USH2A: variants seen among roughly 807,000 people sequenced by gnomAD.
USH2A encodes Usher syndrome 2A (autosomal recessive, mild).
A neutral mutation model predicts 538.9 loss-of-function variants in USH2A; 443 were observed. The observed-to-expected ratio is 0.82, with a 90% CI of 0.76 to 0.89. The LOEUF is 0.89. USH2A is among the 40% of genes least tolerant of loss of function. The probability of loss-of-function intolerance (pLI) is 0.00; values close to 1 mark genes in which losing one functional copy is unlikely to be tolerated. For missense variants in USH2A, 6,633 were observed against 6,324.8 expected (o/e 1.05, Z -1.65); for synonymous variants, 2,413 against 2,273.5 (o/e 1.06, Z -1.75).
At chr1:215,824,881 C>A (rs760608784) in intron 47 of USH2A, among the ~76,000 whole-genome samples, 22 of 152,126 alleles carry the variant, frequency 1.4e-4, no homozygotes, top group Non-Finnish European at 2.4e-4. Flanking sequence ...ATATGAAAGT[C>A]CAATTTTCTT....
intron 21 of USH2A, among the ~76,000 whole-genome samples, chr1:216,112,075 T>A (rs1021321605): frequency 6.6e-6 from 1 of 152,140 alleles, no homozygotes; most frequent in African/African-American, 2.4e-5. Flanking sequence ...CATAAACTAT[T>A]TATGGCTAAC....
chr1:216,207,685 A>G (rs1024531974), intron 15 of USH2A, among the ~76,000 whole-genome samples: 1 of 149,748 alleles, frequency 6.7e-6, no homozygotes, highest in African/African-American at 2.5e-5. Flanking sequence ...AAACCACCAT[A>G]GTTTACATTA....
chr1:215,630,359 T>A, intron 70 of USH2A: 1 of 436,270 alleles, frequency 2.3e-6, no homozygotes, highest in Non-Finnish European at 4.6e-6. Context: ...TATTTAATAC[T>A]GCTCTGATGT....
intron 44 of USH2A, among the ~76,000 whole-genome samples, chr1:215,847,799 T>C (rs2102824978): frequency 6.6e-6 from 1 of 152,298 alleles, no homozygotes; most frequent in Non-Finnish European, 1.5e-5. Flanking sequence ...TTGAGAATAG[T>C]ATGTTTCTTT....
chr1:216,325,717 T>C (rs2037719703), intron 5 of USH2A, 118 bp from the exon 6 acceptor site: 1 of 1,005,994 alleles, frequency 9.9e-7, no homozygotes, highest in Non-Finnish European at 1.4e-6. Flanking sequence ...CATTTAGTTT[T>C]AATAATTTGA....
intron 32 of USH2A, among the ~76,000 whole-genome samples, chr1:216,031,612 T>C (rs1009873076): frequency 6.6e-6 from 1 of 152,334 alleles, no homozygotes; most frequent in African/African-American, 2.4e-5. Flanking sequence ...GTCTTCGCTA[T>C]GTTGAAGCAA....
intron 11 of USH2A, among the ~76,000 whole-genome samples, chr1:216,268,725 T>C (rs139325871): frequency 2.5e-4 from 38 of 152,182 alleles, no homozygotes; most frequent in African/African-American, 9.1e-4. Flanking sequence ...GCTTCCACCT[T>C]ATGGTGTTTG....
At chr1:215,758,410 C>T (rs1016418598) in intron 58 of USH2A, among the ~76,000 whole-genome samples, 185 bp downstream of exon 58, 5 of 152,086 alleles carry the variant, frequency 3.3e-5, no homozygotes, top group East Asian at 3.9e-4. Context: ...TATATCTCTA[C>T]GTATGTATGT....
At chr1:216,227,541 T>C (rs2035585864) in intron 14 of USH2A, among the ~76,000 whole-genome samples, 1 of 152,022 alleles carries the variant, frequency 6.6e-6, no homozygotes, top group African/African-American at 2.4e-5. Context: ...GATCATGGAA[T>C]GGAGGAACAA....
chr1:216,174,303 T>C (rs2034329887), intron 21 of USH2A: 1 of 975,470 alleles, frequency 1.0e-6, no homozygotes, highest in Non-Finnish European at 1.2e-6. Context: ...CATAATAATA[T>C]ATATCTTATA....
intron 3 of USH2A, among the ~76,000 whole-genome samples, chr1:216,382,750 C>T (rs142310503): frequency 5.9e-5 from 9 of 151,896 alleles, no homozygotes; most frequent in East Asian, 1.9e-4. Flanking sequence ...AGAGTCTGAA[C>T]GGAAGAAGAA....
chr1:216,048,342 T>C (rs1419059531), intron 31 of USH2A, among the ~76,000 whole-genome samples, 192 bp downstream of exon 31: 2 of 152,178 alleles, frequency 1.3e-5, no homozygotes, highest in Non-Finnish European at 2.9e-5. Context: ...AAGATGCATG[T>C]CATTAAAGGG....
At chr1:216,290,766 A>G (rs2036985924) in intron 10 of USH2A, among the ~76,000 whole-genome samples, 1 of 151,424 alleles carries the variant, frequency 6.6e-6, no homozygotes, top group Non-Finnish European at 1.5e-5. Flanking sequence ...AGAACTTGCC[A>G]TCTCCTCCCT....
chr1:215,943,253 A>G (rs1666681085), intron 37 of USH2A, among the ~76,000 whole-genome samples: 1 of 152,206 alleles, frequency 6.6e-6, no homozygotes, highest in African/African-American at 2.4e-5. Flanking sequence ...AGTTTGGGAA[A>G]AAATGATATA....
chr1:215,671,252 G>A lies in USH2A; in HGVS notation c.13853C>T (p.Ala4618Val), dbSNP rs1201272568. ...CTGTATGAATGTCCAGTCACTTGAT[G>A]CACATCCCAGGGTGGTGCACGCTTG... ...RIQACTTLGC[A>V]SSDWTFIQTP... The change falls in exon 64 of 72, where the codon GCA becomes GTA. Residue 4618 changes from alanine (A) to valine (V), a missense_variant. Ala to Val is a moderately conservative substitution (Grantham distance 64). Coordinates refer to ENST00000307340, the MANE Select transcript of USH2A (RefSeq NM_206933.4). 1.9e-6 allele frequency: 3 copies of A among 1,614,096 alleles called. No homozygotes were observed. The South Asian group carries it at 3.3e-5, about 18-fold the overall frequency.
At chr1:216,134,805 T>C (rs139522282) in intron 21 of USH2A, among the ~76,000 whole-genome samples, 192 of 152,234 alleles carry the variant, frequency 1.3e-3, no homozygotes, top group Middle Eastern at 6.8e-3. Flanking sequence ...TAAAATTAAA[T>C]AGACACTGTG....
At chr1:215,772,708 C>T (rs191668790) in intron 55 of USH2A, among the ~76,000 whole-genome samples, 2 of 152,300 alleles carry the variant, frequency 1.3e-5, no homozygotes, top group East Asian at 3.9e-4. Flanking sequence ...CAAAAAAAGG[C>T]ACTTTAGCCA....
At chr1:216,322,930 A>G (rs1437553817) in intron 8 of USH2A, among the ~76,000 whole-genome samples, 1 of 151,978 alleles carries the variant, frequency 6.6e-6, no homozygotes, top group Non-Finnish European at 1.5e-5. Context: ...AAATATTGTG[A>G]GTCATGTTCT....
At chr1:215,994,103 C>T (rs746471539) in intron 34 of USH2A, among the ~76,000 whole-genome samples, 1 of 152,074 alleles carries the variant, frequency 6.6e-6, no homozygotes, top group Admixed American at 6.5e-5. Context: ...CTTCAAGTTA[C>T]AATTTCAATT....
Sources: allele counts gnomAD v4.1 joint callset (sites outside exome capture counted in the v4.1 genomes callset), GRCh38; gene constraint gnomAD v4.1.1; transcripts MANE v1.5; gene names NCBI Gene and HGNC (gene_info 2026-07-23, HGNC 2026-07-21).